Variants in MYO16 observed in about 807,000 individuals in gnomAD.
MYO16 encodes the protein myosin XVI, also known as unconventional myosin-XVI.
A neutral mutation model predicts 205.3 loss-of-function variants in MYO16; 94 were observed. The ratio of observed to expected loss-of-function variants is 0.46; its 90% confidence interval spans 0.39 to 0.54. The LOEUF (loss-of-function observed/expected upper bound fraction) is 0.54, where lower values mean the gene tolerates loss of function less well. Ranked by LOEUF, MYO16 falls within the 20% of genes least tolerant of loss-of-function variation. MYO16 has a pLI of 0.00. For synonymous variants in MYO16, 988 were observed against 954.0 expected, an observed-to-expected ratio of 1.04 and a Z score of -0.66; for missense variants, 2,315 against 2,387.5, an observed-to-expected ratio of 0.97 and a Z score of 0.63.
chr13:108,749,999 A>G (rs966074059), intron 4 of MYO16, among the ~76,000 whole-genome samples: 1 of 152,250 alleles, frequency 6.6e-6, no homozygotes, highest in Admixed American at 6.5e-5. Context: ...TCTTAAATGC[A>G]TATGCCATCC....
At chr13:108,630,018 G>T (rs889679757) in intron 1 of MYO16, 146 bp downstream of exon 1, 2 of 579,058 alleles carry the variant, frequency 3.5e-6, no homozygotes, top group Non-Finnish European at 5.8e-6. Context: ...TATTTTACAG[G>T]CTGGATATAT....
intron 16 of MYO16, among the ~76,000 whole-genome samples, chr13:108,953,272 T>A (rs1392342646): frequency 6.6e-6 from 1 of 152,244 alleles, no homozygotes; most frequent in East Asian, 1.9e-4. Flanking sequence ...TTAAGATGAT[T>A]AAAATTTTTC....
intron 4 of MYO16, among the ~76,000 whole-genome samples, chr13:108,736,390 T>C (rs1303836516): frequency 1.1e-4 from 17 of 152,344 alleles, no homozygotes; most frequent in African/African-American, 3.1e-4. Context: ...GCACCATTTA[T>C]TAAATAGGGA....
At chr13:108,814,242 A>G (rs531814214) in intron 7 of MYO16, among the ~76,000 whole-genome samples, 1 of 152,042 alleles carries the variant, frequency 6.6e-6, no homozygotes, top group Non-Finnish European at 1.5e-5. Flanking sequence ...TGATACTCTA[A>G]CCTTTTTGCA....
chr13:108,746,542 A>AT (rs1377595753), intron 4 of MYO16, among the ~76,000 whole-genome samples: 1 of 140,558 alleles, frequency 7.1e-6, no homozygotes, highest in Non-Finnish European at 1.6e-5. Flanking sequence ...TGTTTCTAGC[A>AT]TAAAGAAAAG....
intron 1 of MYO16, among the ~76,000 whole-genome samples, chr13:108,619,341 C>G (rs750299923): frequency 6.6e-6 from 1 of 152,140 alleles, no homozygotes; most frequent in Non-Finnish European, 1.5e-5. Context: ...TCACGAGACT[C>G]TAAAATTCGG....
the MYO16 span, among the ~76,000 whole-genome samples, chr13:108,539,101 G>T: frequency 1.3e-5 from 2 of 152,042 alleles, no homozygotes; most frequent in East Asian, 3.8e-4. Flanking sequence ...GACTGCCTGA[G>T]TTGTTATTTA....
At chr13:108,913,802 T>C (rs1202400711) in intron 16 of MYO16, among the ~76,000 whole-genome samples, 2 of 152,252 alleles carry the variant, frequency 1.3e-5, no homozygotes, top group Non-Finnish European at 2.9e-5. Context: ...TAGGTGTATG[T>C]GCCTGTAACA....
At position 109,031,774 on chromosome 13, in the gene MYO16, T is replaced by G. The variant is rs1356086520; in HGVS notation, c.2796+11863T>G. 2.6e-5 allele frequency among the ~76,000 whole-genome samples: 4 copies of G among 152,288 alleles called. No homozygotes were observed. In the East Asian group the frequency reaches 7.7e-4, roughly 29 times the overall value. On this transcript the variant is annotated intron_variant, in intron 23 of 34. Transcript: ENST00000457511. Reference sequence around the variant, plus strand: ...TTTTTCCTTGTAACCAGATAAAAATTTGGGCAGCTCCAGTGATATTTCTGG... The same window carrying G: ...TTTTTCCTTGTAACCAGATAAAAATGTGGGCAGCTCCAGTGATATTTCTGG...
At chr13:109,032,382 C>G (rs550710600) in intron 23 of MYO16, among the ~76,000 whole-genome samples, 1 of 152,142 alleles carries the variant, frequency 6.6e-6, no homozygotes, top group Non-Finnish European at 1.5e-5. Flanking sequence ...CCTCCCACAT[C>G]GTCGCACATA....
intron 11 of MYO16, 136 bp downstream of exon 11, chr13:108,855,689 T>C: frequency 3.4e-6 from 2 of 582,220 alleles, no homozygotes; most frequent in Non-Finnish European, 5.8e-6. Context: ...GTTGAATTTC[T>C]TAAGGTGAGT....
At chr13:109,163,209 C>T (rs932893817) in intron 32 of MYO16, among the ~76,000 whole-genome samples, 4 of 152,080 alleles carry the variant, frequency 2.6e-5, no homozygotes, top group African/African-American at 7.2e-5. Flanking sequence ...GAGGTCCCTG[C>T]GGGTGATCTG....
chr13:109,157,689 C>G (rs1878138951), intron 32 of MYO16, among the ~76,000 whole-genome samples: 1 of 152,128 alleles, frequency 6.6e-6, no homozygotes. Context: ...GGAAAAGCAC[C>G]CCTTAGAATG....
chr13:108,710,515 G>A (rs200814372), intron 2 of MYO16, among the ~76,000 whole-genome samples: 15 of 152,226 alleles, frequency 9.9e-5, no homozygotes, highest in South Asian at 4.2e-4. Flanking sequence ...TTTATTGCAC[G>A]TAGTCATTCC....
chr13:108,585,538 T>A, the MYO16 span, among the ~76,000 whole-genome samples: 1 of 152,160 alleles, frequency 6.6e-6, no homozygotes, highest in African/African-American at 2.4e-5. Context: ...TGGCTCTTAG[T>A]TGATTATCTC....
intron 20 of MYO16, 56 bp from the exon 21 acceptor site, chr13:108,992,320 G>T: frequency 1.6e-6 from 2 of 1,246,818 alleles, no homozygotes; most frequent in South Asian, 1.3e-5. Context: ...ATGAAAAGAG[G>T]GTCATGAAGG....
the MYO16 span, among the ~76,000 whole-genome samples, chr13:108,510,497 A>G: frequency 1.9e-5 from 1 of 51,660 alleles, no homozygotes; most frequent in African/African-American, 7.4e-5. Flanking sequence ...TTGTACTTTA[A>G]GTTTTAGGGT....
At chr13:109,058,245 G>A (rs61970237) in intron 27 of MYO16, among the ~76,000 whole-genome samples, 1 of 152,086 alleles carries the variant, frequency 6.6e-6, no homozygotes, top group Non-Finnish European at 1.5e-5. Context: ...AATGTTGAAA[G>A]GGTGCCGGTG....
the MYO16 span, among the ~76,000 whole-genome samples, chr13:108,539,671 T>C: frequency 1.4e-4 from 21 of 152,190 alleles, no homozygotes; most frequent in East Asian, 7.7e-4. Context: ...AATCTGGGAT[T>C]CTGTTACTGT....
Sources: gnomAD v4.1 joint callset for allele counts (sites outside exome capture counted in the v4.1 genomes callset) on GRCh38, gnomAD v4.1.1 for gene constraint, MANE v1.5 for transcripts, NCBI Gene and HGNC (gene_info 2026-07-23, HGNC 2026-07-21) for gene names.